Variants in CCNQ observed in about 807,000 individuals in gnomAD.
CCNQ encodes cyclin-Q.
CCNQ carries 3 observed loss-of-function variants against 17.7 expected under a neutral mutation model. The ratio of observed to expected loss-of-function variants is 0.17; its 90% CI spans 0.08 to 0.44. The LOEUF (loss-of-function observed/expected upper bound fraction) is 0.44. CCNQ is among the 20% of genes least tolerant of loss of function. The pLI is 0.99. For synonymous variants in CCNQ, 73 were observed against 96.0 expected, an observed-to-expected ratio of 0.76 and a Z score of 1.40; for missense variants, 146 against 222.6, an observed-to-expected ratio of 0.66 and a Z score of 2.19.
rs781964626 is a variant in CCNQ at position 153,592,429 on chromosome X, G to A, written c.657+77C>T. The stretch of plus-strand genomic sequence containing the variant: ...TATCTTTCTTCATGGATAATTAATA[G>A]AATTTGGTGAGCACTGCAATACAGA... On this transcript the variant is annotated intron_variant, in intron 4 of 4. Transcript: ENST00000576892. The A allele has an allele frequency of 5.1e-6, 5 of 974,058 alleles. No homozygotes were observed. In the South Asian group the frequency reaches 1.0e-4, roughly 20 times the overall value. 80.3% of individuals were successfully genotyped at this position (974,058 alleles called of 1,213,427 possible).
chrX:153,592,402 C>T (rs900855317), intron 4 of CCNQ, 104 bp downstream of exon 4: 21 of 832,328 alleles, frequency 2.5e-5, no homozygotes, highest in Non-Finnish European at 2.9e-5. Context: ...CCCAGCAGCC[C>T]GTATCTTTCT....
chrX:153,591,605 C>A (rs371990262), intron 4 of CCNQ, among the ~76,000 whole-genome samples: 8 of 111,324 alleles, frequency 7.2e-5, no homozygotes, highest in African/African-American at 1.3e-4. Flanking sequence ...TGTTTGCCCC[C>A]CCCAGAGTCC....
chrX:153,595,127 T>C (rs1349736718), intron 2 of CCNQ, among the ~76,000 whole-genome samples: 1 of 113,108 alleles, frequency 8.8e-6, no homozygotes, highest in African/African-American at 3.2e-5. Flanking sequence ...TTTTTACTTT[T>C]TACTTTTTGA....
Position 153,594,657 on chromosome X carries a change from G to A in CCNQ, c.319C>T (p.Pro107Ser), listed in dbSNP as rs782608728. Residue 107 changes from proline to serine, a missense_variant, in exon 3 of 5, where the codon CCC (proline) becomes TCC (serine). Coordinates refer to ENST00000576892, the MANE Select transcript of CCNQ (RefSeq NM_152274.5). ...SNRYFNPSGE[P>S]LELDSRFWEL... is the part of the protein sequence containing the mutation. ...CAGAAGCGGGAGTCCAATTCCAGGGGCTCACCGCTTGGGTTAAAGTACCTG... is the reference window on the plus strand; with the variant it reads ...CAGAAGCGGGAGTCCAATTCCAGGGACTCACCGCTTGGGTTAAAGTACCTG... The A allele has an allele frequency of 3.3e-6, 4 of 1,210,082 alleles. No homozygotes were observed. The highest frequency in any genetic ancestry group is 4.5e-6 in the Non-Finnish European group (4 of 895,176).
chrX:153,588,359 A>T lies in CCNQ; in HGVS notation c.*6T>A. On this transcript the variant is annotated 3_prime_UTR_variant, in exon 5 of 5. Transcript: ENST00000576892. ...GCTTCTCTTTGGGCAGGCCTGGGCC[A>T]GGACCTTAGGGGATCTCTGTGTCCA... The T allele has an allele frequency of 8.3e-7, 1 of 1,201,406 alleles. No individual in the cohort carries two copies. The highest frequency in any genetic ancestry group is 1.1e-6 in the Non-Finnish European group (1 of 885,441).
intron 1 of CCNQ, among the ~76,000 whole-genome samples, chrX:153,596,638 G>A (rs1557027182): frequency 8.9e-6 from 1 of 112,882 alleles, no homozygotes; most frequent in Middle Eastern, 4.6e-3. Context: ...CAGCTACGAC[G>A]ACAGAAAAGA....
intron 3 of CCNQ, among the ~76,000 whole-genome samples, chrX:153,594,324 G>A (rs1266347245): frequency 1.8e-5 from 2 of 112,990 alleles, no homozygotes; most frequent in African/African-American, 6.4e-5. Flanking sequence ...AAAGGCAGAA[G>A]CTGAAATGAG....
chrX:153,588,921 C>T (rs1275408531), intron 4 of CCNQ, among the ~76,000 whole-genome samples: 1 of 113,041 alleles, frequency 8.8e-6, no homozygotes, highest in Admixed American at 9.3e-5. Context: ...CAGTCCGGAC[C>T]GCCACGTGCA....
chrX:153,593,605 G>A (rs1159359307), intron 3 of CCNQ, among the ~76,000 whole-genome samples: 1 of 112,545 alleles, frequency 8.9e-6, no homozygotes, highest in Non-Finnish European at 1.9e-5. Context: ...AGGTACTGAG[G>A]TGGGAGTGTG....
intron 3 of CCNQ, 21 bp downstream of exon 3, chrX:153,594,526 C>A: frequency 1.7e-6 from 2 of 1,209,711 alleles, no homozygotes; most frequent in Non-Finnish European, 2.2e-6. Flanking sequence ...TCCAAACAGG[C>A]ACCAGTTCCC....
intron 1 of CCNQ, 65 bp downstream of exon 1, chrX:153,598,897 G>A: frequency 2.3e-6 from 2 of 864,140 alleles, no homozygotes; most frequent in Non-Finnish European, 3.0e-6. Context: ...GGCCTGGCCA[G>A]CCGGGCCCGC....
At chrX:153,594,766 A>G in intron 2 of CCNQ, 87 bp from the exon 3 acceptor site, 1 of 1,000,518 alleles carries the variant, frequency 1.0e-6, no homozygotes. Flanking sequence ...CACAATGTCC[A>G]GATGCAAACT....
At chrX:153,588,926 C>T (rs1321521328) in intron 4 of CCNQ, among the ~76,000 whole-genome samples, 2 of 113,175 alleles carry the variant, frequency 1.8e-5, no homozygotes, top group Non-Finnish European at 3.8e-5. Flanking sequence ...CGGACCGCCA[C>T]GTGCAGGAGC....
chrX:153,596,112 T>C lies in CCNQ; in HGVS notation c.188A>G (p.Asn63Ser), dbSNP rs1557027031. The C allele has an allele frequency of 2.5e-6, 3 of 1,210,547 alleles. No homozygotes were observed. Among genetic ancestry groups the C allele is most frequent in the African/African-American group, 1.7e-5 (1 of 57,292 alleles). The change falls in exon 2 of 5, where the codon AAC becomes AGC. Residue 63 changes from asparagine (N) to serine (S), a missense_variant. Physicochemically the swap from Asn to Ser is conservative, Grantham distance 46. Coordinates refer to ENST00000576892, the MANE Select transcript of CCNQ (RefSeq NM_152274.5). ...TIYHKFFCET[N>S]LDAYDPYLIA... ...CAGGTAAGGGTCATAGGCGTCCAGG[T>C]TGGTCTCGCAAAAGAACTTATGGTA...
Position 153,594,287 on chromosome X carries a change from G to A in CCNQ, c.429+260C>T, listed in dbSNP as rs537443533. On this transcript the variant is annotated intron_variant, in intron 3 of 4. Coordinates refer to ENST00000576892, the MANE Select transcript of CCNQ (RefSeq NM_152274.5). ...CTGCCACAGCTTCAGCGGGCAGCACGGACCCCGCCCACAGGTGAGCAGGCA... is the reference window on the plus strand; with the variant it reads ...CTGCCACAGCTTCAGCGGGCAGCACAGACCCCGCCCACAGGTGAGCAGGCA... Among the ~76,000 whole-genome samples, 47 of 112,634 alleles carry A rather than the reference G, an allele frequency of 4.2e-4. No homozygotes were observed. The South Asian group carries it at 0.015, about 37-fold the overall frequency.
In CCNQ at chrX:153,592,610, G is replaced by A; in HGVS notation, c.553C>T (p.Arg185Cys). Residue 185 changes from arginine to cysteine, a missense_variant, in exon 4 of 5, where the codon CGC becomes TGC. Arg to Cys is a radical substitution (Grantham distance 180). Coordinates refer to ENST00000576892, the MANE Select transcript of CCNQ (RefSeq NM_152274.5). ...ACGGCGATGTGCTGGGCCTGGAAGC[G>A]GAGGCACAGCGCCCCATGGTAGCTG... ...RDSYHGALCLRFQAQHIAVAV... is the reference protein window; with the variant it reads ...RDSYHGALCLCFQAQHIAVAV... 3.3e-6 allele frequency: 4 copies of A among 1,211,353 alleles called. No homozygotes were observed. The highest frequency in any genetic ancestry group is 3.4e-6 in the Non-Finnish European group (3 of 895,145).
chrX:153,590,975 C>T (rs1008217124), intron 4 of CCNQ, among the ~76,000 whole-genome samples: 6 of 112,400 alleles, frequency 5.3e-5, no homozygotes, highest in African/African-American at 1.3e-4. Context: ...ACTGTCCCTG[C>T]TCATCTGGCA....
Position 153,594,628 on chromosome X carries a change from T to C in CCNQ, c.348A>G (p.Glu116=), listed in dbSNP as rs142632816. The change falls in exon 3 of 5, where the codon GAA becomes GAG. Residue 116 remains glutamate, a synonymous_variant. Transcript: ENST00000576892. Reference sequence around the variant, plus strand: ...CACACTGCACGATGCTGTCCCGGAGTTCCCAGAAGCGGGAGTCCAATTCCA... The same window carrying C: ...CACACTGCACGATGCTGTCCCGGAGCTCCCAGAAGCGGGAGTCCAATTCCA... ...EPLELDSRFW[E]LRDSIVQCEL... 86 of 1,209,877 alleles carry C rather than the reference T, an allele frequency of 7.1e-5. 1 individual carries two copies. The African/African-American group carries it at 1.2e-3, about 16-fold the overall frequency.
intron 4 of CCNQ, 66 bp downstream of exon 4, chrX:153,592,440 G>A: frequency 1.9e-6 from 2 of 1,030,171 alleles, no homozygotes; most frequent in Non-Finnish European, 2.7e-6. Flanking sequence ...AATTTGGTGA[G>A]CACTGCAATA....
Sources: allele counts gnomAD v4.1 joint callset (sites outside exome capture counted in the v4.1 genomes callset), GRCh38; gene constraint gnomAD v4.1.1; transcripts MANE v1.5; gene names NCBI Gene and HGNC (gene_info 2026-07-23, HGNC 2026-07-21).